XKR4: variants seen among roughly 807,000 people sequenced by gnomAD.
XKR4 encodes the protein XK-related protein 4.
Under a neutral mutation model 53.9 loss-of-function variants are expected in XKR4, and 12 were observed. The ratio of observed to expected loss-of-function variants is 0.22; its 90% CI spans 0.14 to 0.36. The LOEUF is 0.36. Among genes scored for constraint, XKR4 ranks in the 10% least tolerant of loss-of-function variants. The probability of loss-of-function intolerance (pLI) is 1.00; values close to 1 mark genes in which losing one functional copy is unlikely to be tolerated. For synonymous variants in XKR4, 354 were observed against 362.4 expected (o/e 0.98, Z 0.26); for missense variants, 799 against 859.5 (o/e 0.93, Z 0.88).
intron 2 of XKR4, among the ~76,000 whole-genome samples, chr8:55,377,717 C>T (rs532247705): frequency 1.7e-4 from 26 of 152,294 alleles, no homozygotes; most frequent in African/African-American, 3.1e-4. Context: ...GCCTGCATGT[C>T]GTGAGGCCAC....
rs921464362 is a variant in XKR4, at chr8:55,195,505, T to C, written c.806+92211T>C. 4.6e-5 allele frequency among the ~76,000 whole-genome samples: 7 copies of C among 151,398 alleles called. 1 individual carries two copies. Among genetic ancestry groups the C allele is most frequent in the East Asian group, 1.9e-4 (1 of 5,184 alleles). On this transcript the variant is annotated intron_variant, in intron 1 of 2. Transcript: ENST00000327381. ...TTTATTATTAGCCTGAAATACAGTA[T>C]AGGAAGTACAATGGAAATAAAAACT...
chr8:55,356,769 A>T (rs1184633560), intron 1 of XKR4, among the ~76,000 whole-genome samples: 2 of 152,170 alleles, frequency 1.3e-5, no homozygotes, highest in Admixed American at 6.5e-5. Context: ...ACCCTTGAAC[A>T]ATACAAGTTT....
chr8:55,142,396 C>G, intron 1 of XKR4: 1 of 283,716 alleles, frequency 3.5e-6, no homozygotes, highest in East Asian at 8.1e-5. Context: ...CGTTGGCGCT[C>G]CTTAAGTTGT....
At chr8:55,328,260 T>C in intron 1 of XKR4, among the ~76,000 whole-genome samples, 1 of 152,198 alleles carries the variant, frequency 6.6e-6, no homozygotes, top group Admixed American at 6.5e-5. Context: ...ATTTTTCATA[T>C]GTGGGCTTCA....
Position 55,411,514 on chromosome 8 carries a change from A to G in XKR4, c.1006+53637A>G, listed in dbSNP as rs117494072. Among the ~76,000 whole-genome samples the G allele has an allele frequency of 2.0e-4, 30 of 152,366 alleles. No homozygotes were observed. In the East Asian group the frequency reaches 5.8e-3, roughly 29 times the overall value. On this transcript the variant is annotated intron_variant, in intron 2 of 2. Coordinates refer to ENST00000327381, the MANE Select transcript of XKR4 (RefSeq NM_052898.2). ...AAATCCAAGAACTCGAGTCACACGC[A>G]GAGAATCTAAGAATGATGTGAGGTT... is the stretch of plus-strand genomic sequence containing the variant.
intron 1 of XKR4, among the ~76,000 whole-genome samples, chr8:55,117,812 A>G (rs890401497): frequency 6.6e-6 from 1 of 152,206 alleles, no homozygotes; most frequent in African/African-American, 2.4e-5. Flanking sequence ...TGTGCTAAAA[A>G]TGGTAATGAG....
rs144554303 is a variant in XKR4, at chr8:55,536,997, C to A, written c.*12770C>A. Reference sequence around the variant, plus strand: ...AATAGAAGTTTTAATTTTAAGCATTCCTTATGATATTTTTTAAGCCTAAAA... The same window carrying A: ...AATAGAAGTTTTAATTTTAAGCATTACTTATGATATTTTTTAAGCCTAAAA... On this transcript the variant is annotated 3_prime_UTR_variant, in exon 3 of 3. Transcript: ENST00000327381. 79 of 152,240 alleles carry A rather than the reference C, an allele frequency of 5.2e-4. No individual in the cohort carries two copies. The highest frequency in any genetic ancestry group is 3.4e-3 in the Middle Eastern group (1 of 294). 9.4% of individuals were successfully genotyped at this position (152,240 alleles called of 1,614,324 possible).
intron 2 of XKR4, among the ~76,000 whole-genome samples, chr8:55,446,684 C>T (rs1262688935): frequency 6.6e-6 from 1 of 152,162 alleles, no homozygotes; most frequent in Non-Finnish European, 1.5e-5. Context: ...AGTAGTAGTT[C>T]CATTGCGACC....
intron 1 of XKR4, among the ~76,000 whole-genome samples, chr8:55,253,203 C>G (rs550454277): frequency 1.3e-5 from 2 of 151,792 alleles, no homozygotes; most frequent in African/African-American, 2.4e-5. Flanking sequence ...TTCCTTCCGA[C>G]GTAAATATTC....
chr8:55,392,587 T>C (rs890298012), intron 2 of XKR4, among the ~76,000 whole-genome samples: 1 of 152,114 alleles, frequency 6.6e-6, no homozygotes, highest in African/African-American at 2.4e-5. Context: ...GGCTAGGAGT[T>C]TGAGACCAGC....
At chr8:55,130,699 C>A (rs1023740866) in intron 1 of XKR4, among the ~76,000 whole-genome samples, 1 of 152,168 alleles carries the variant, frequency 6.6e-6, no homozygotes, top group Non-Finnish European at 1.5e-5. Context: ...ACTAGGCCCC[C>A]ATTATCTATG....
chr8:55,452,966 G>C (rs375204818), intron 2 of XKR4: 69 of 733,994 alleles, frequency 9.4e-5, no homozygotes, highest in South Asian at 8.5e-4. Context: ...GCTTCTCACC[G>C]CTCAGGGATG....
At chr8:55,259,182 G>T (rs1818481582) in intron 1 of XKR4, among the ~76,000 whole-genome samples, 2 of 152,224 alleles carry the variant, frequency 1.3e-5, no homozygotes, top group Admixed American at 1.3e-4. Flanking sequence ...ACTGCGCGGG[G>T]ACGCACCTGG....
intron 1 of XKR4, among the ~76,000 whole-genome samples, chr8:55,325,339 C>A (rs922124092): frequency 6.6e-6 from 1 of 152,044 alleles, no homozygotes; most frequent in Non-Finnish European, 1.5e-5. Context: ...ATCTATACTG[C>A]ACTAACCTTT....
intron 1 of XKR4, among the ~76,000 whole-genome samples, chr8:55,206,220 G>C (rs542956470): frequency 6.6e-6 from 1 of 152,014 alleles, no homozygotes; most frequent in South Asian, 2.1e-4. Flanking sequence ...TGCCACTGGG[G>C]CTGGGTGGCC....
chr8:55,505,830 C>A (rs1192568522), intron 2 of XKR4, among the ~76,000 whole-genome samples: 1 of 152,194 alleles, frequency 6.6e-6, no homozygotes, highest in Non-Finnish European at 1.5e-5. Flanking sequence ...TTTGGTTGAA[C>A]AACCTGATTT....
Position 55,102,621 on chromosome 8 carries a change from G to A in XKR4, c.133G>A (p.Glu45Lys), listed in dbSNP as rs1164920848. 13 of 1,404,524 alleles carry A rather than the reference G, an allele frequency of 9.3e-6. No individual in the cohort carries two copies. Among genetic ancestry groups the A allele is most frequent in the Non-Finnish European group, 1.2e-5 (13 of 1,064,956 alleles). The allele number at this position is 1,404,524 out of a possible 1,614,324, so 87.0% of individuals were successfully genotyped here. The change falls in exon 1 of 3, where the codon GAG becomes AAG. Residue 45 changes from glutamate to lysine, a missense_variant. Physicochemically the swap from Glu to Lys is moderately conservative, Grantham distance 56 (BLOSUM62 1). Coordinates refer to ENST00000327381, the MANE Select transcript of XKR4 (RefSeq NM_052898.2). This position sits in a 1 kb window ranked among gnomAD's most constrained non-coding sequence, Gnocchi z 5.1. ...AGGCTTGCCGTCGGGGTCGGGAGCC[G>A]AGGACGAGGAGGCGGCCGGGGGCGG... is the stretch of plus-strand genomic sequence containing the variant. ...APGLPSGSGA[E>K]DEEAAGGGCC... is the part of the protein sequence containing the mutation.
intron 2 of XKR4, among the ~76,000 whole-genome samples, chr8:55,417,135 C>G (rs1398477070): frequency 6.6e-6 from 1 of 152,090 alleles, no homozygotes; most frequent in Admixed American, 6.6e-5. Context: ...CCATTGTCGT[C>G]GTGGGTACTA....
At chr8:55,390,636 G>T (rs1215741194) in intron 2 of XKR4, among the ~76,000 whole-genome samples, 1 of 152,184 alleles carries the variant, frequency 6.6e-6, no homozygotes, top group African/African-American at 2.4e-5. Context: ...GGGCACTTTG[G>T]TGTTAGTGTT....
Sources: allele counts gnomAD v4.1 joint callset (sites outside exome capture counted in the v4.1 genomes callset), GRCh38; gene constraint gnomAD v4.1.1; non-coding constraint Gnocchi (gnomAD v3.1); transcripts MANE v1.5; gene names NCBI Gene and HGNC (gene_info 2026-07-23, HGNC 2026-07-21).